DCHS1: variants seen among roughly 807,000 people sequenced by gnomAD.
DCHS1 encodes the protein protocadherin-16.
A neutral mutation model predicts 213.9 loss-of-function variants in DCHS1; 78 were observed. The observed-to-expected ratio is 0.36, with a 90% CI of 0.30 to 0.44. The LOEUF (loss-of-function observed/expected upper bound fraction) is 0.44, where lower values mean the gene tolerates loss of function less well. DCHS1 is among the 20% of genes least tolerant of loss of function. The pLI, the probability that DCHS1 is intolerant of heterozygous loss-of-function variation, is 1.00. For missense variants in DCHS1, 3,946 were observed against 4,395.9 expected (o/e 0.90, Z 2.89); for synonymous variants, 1,828 against 1,873.7 (o/e 0.98, Z 0.63).
At chr11:6,645,673 G>C (rs1000973522) in intron 1 of DCHS1, among the ~76,000 whole-genome samples, 17 of 152,170 alleles carry the variant, frequency 1.1e-4, no homozygotes, top group African/African-American at 4.8e-5. Flanking sequence ...CTCATGTCCA[G>C]GCAGATGCCC....
In DCHS1 at chr11:6,622,979, C is replaced by T; in HGVS notation, c.8697G>A (p.Arg2899=). The T allele has an allele frequency of 6.4e-7, 1 of 1,572,482 alleles. No individual in the cohort carries two copies. The highest frequency in any genetic ancestry group is 8.6e-7 in the Non-Finnish European group (1 of 1,159,490). Reference sequence around the variant, plus strand: ...GAGGCCCCCGTGCTATCACCTCCAGCCTCAGCTCCCGTGGTGCTTCCCGCC... The same window carrying T: ...GAGGCCCCCGTGCTATCACCTCCAGTCTCAGCTCCCGTGGTGCTTCCCGCC... ...RTRREAPREL[R]LEVIARGPLP... The change falls in exon 21 of 21, where the codon AGG becomes AGA. Residue 2899 remains arginine (R), a synonymous_variant. Coordinates refer to ENST00000299441, the MANE Select transcript of DCHS1 (RefSeq NM_003737.4). The surrounding 1 kb of genome is among the most constrained non-coding windows in gnomAD (Gnocchi z 5.4).
chr11:6,647,481 G>A (rs1043642786), intron 1 of DCHS1, among the ~76,000 whole-genome samples: 1 of 152,168 alleles, frequency 6.6e-6, no homozygotes, highest in Non-Finnish European at 1.5e-5. Flanking sequence ...CCTGAGGACT[G>A]GTTCCCAGGA....
In DCHS1 at chr11:6,623,153, A is replaced by G. The variant is rs779100406; in HGVS notation, c.8523T>C (p.Asp2841=). Reference sequence around the variant, plus strand: ...ACAGAACCAGGCCATCGGCACCCCCATCCTCATCTGTGGCCTGCACGTGAC... The same window carrying G: ...ACAGAACCAGGCCATCGGCACCCCCGTCCTCATCTGTGGCCTGCACGTGAC... The part of the protein sequence containing the change: ...SLGHVQATDE[D]GGADGLVLYS... Residue 2841 remains aspartate, a synonymous_variant, in exon 21 of 21, where the codon GAT becomes GAC. Transcript: ENST00000299441. 8 of 1,609,022 alleles carry G rather than the reference A, an allele frequency of 5.0e-6. No homozygotes were observed. The highest frequency in any genetic ancestry group is 1.7e-5 in the Admixed American group (1 of 59,508).
chr11:6,622,888 C>G lies in DCHS1; in HGVS notation c.8788G>C (p.Ala2930Pro), dbSNP rs974827004. 6.3e-7 allele frequency: 1 copy of G among 1,597,090 alleles called. No homozygotes were observed. The highest frequency in any genetic ancestry group is 1.3e-5 in the African/African-American group (1 of 74,574). Residue 2930 changes from alanine (A) to proline (P), a missense_variant, in exon 21 of 21, where the codon GCA becomes CCA. Physicochemically the swap from Ala to Pro is conservative, Grantham distance 27. Coordinates refer to ENST00000299441, the MANE Select transcript of DCHS1 (RefSeq NM_003737.4). This position sits in a 1 kb window ranked among gnomAD's most constrained non-coding sequence, Gnocchi z 5.4. ...ACTAATAGCAGGTTGAGGTCAGGTG[C>G]CAGGCCCAGTGCGGTGTGGGTGATA... ...VDITHTALGL[A>P]PDLNLLLVGA...
intron 2 of DCHS1, chr11:6,635,242 T>C (rs938782150): frequency 2.6e-5 from 4 of 152,266 alleles, no homozygotes; most frequent in African/African-American, 9.6e-5. Context: ...GTGTGGCTCA[T>C]GCATCGTTAG....
At chr11:6,639,599 T>C (rs1048121787) in intron 2 of DCHS1, among the ~76,000 whole-genome samples, 1 of 152,218 alleles carries the variant, frequency 6.6e-6, no homozygotes, top group Non-Finnish European at 1.5e-5. Context: ...TTTCCTCACC[T>C]GCCAAGACCA....
Position 6,634,292 on chromosome 11 carries a change from G to T in DCHS1, c.1812C>A (p.Asp604Glu), listed in dbSNP as rs137978102. Residue 604 changes from aspartate (D) to glutamate (E), a missense_variant, in exon 3 of 21, where the codon GAC (aspartate) becomes GAA (glutamate). By Grantham distance (45) the Asp-to-Glu change is conservative. This residue lies in a region of DCHS1 where 3,384 missense variants were observed against 3,780.1 expected (regional missense o/e 0.90). Coordinates refer to ENST00000299441, the MANE Select transcript of DCHS1 (RefSeq NM_003737.4). ...GGAGGCCAAATGGGCCACTATCCGC[G>T]TCTGTGGCTGTCACCTAGGGAGAGG... Reference protein sequence around the residue: ...GTCFLQVTATDADSGPFGLLS... With the variant: ...GTCFLQVTATEADSGPFGLLS... The T allele has an allele frequency of 6.2e-7, 1 of 1,600,888 alleles. No individual in the cohort carries two copies. Among genetic ancestry groups the T allele is most frequent in the African/African-American group, 1.3e-5 (1 of 74,812 alleles).
rs755960120 is a variant in DCHS1 at position 6,628,855 on chromosome 11, G to T, written c.5162-25C>A. On this transcript the variant is annotated intron_variant, in intron 12 of 20. Coordinates refer to ENST00000299441, the MANE Select transcript of DCHS1 (RefSeq NM_003737.4). The surrounding 1 kb of genome is among the most constrained non-coding windows in gnomAD (Gnocchi z 4.3). ...ACTGTGGGGAAGCAAAATCAATGAG[G>T]TCTAGTCTGCCCTCACCACATGGAG... 3 of 1,599,660 alleles carry T rather than the reference G, an allele frequency of 1.9e-6. No homozygotes were observed. In the South Asian group the frequency reaches 3.4e-5, roughly 18 times the overall value.
chr11:6,631,027 G>T (rs1024114940), intron 9 of DCHS1, 26 bp downstream of exon 9: 14 of 1,584,774 alleles, frequency 8.8e-6, no homozygotes, highest in Non-Finnish European at 1.1e-5. Flanking sequence ...TACAGCGGTA[G>T]CCAAGGGGAG....
chr11:6,624,458 T>G, intron 20 of DCHS1, 68 bp from the exon 21 acceptor site: 3 of 1,456,802 alleles, frequency 2.1e-6, no homozygotes, highest in Non-Finnish European at 2.7e-6. Flanking sequence ...AGAGTGACCC[T>G]TCAGGATCTA....
In DCHS1 at chr11:6,641,150, T is replaced by A. The variant is rs766843737; in HGVS notation, c.464A>T (p.His155Leu). The change falls in exon 2 of 21, where the codon CAT becomes CTT. Residue 155 changes from histidine (H) to leucine (L), a missense_variant. Coordinates refer to ENST00000299441, the MANE Select transcript of DCHS1 (RefSeq NM_003737.4). This position sits in a 1 kb window ranked among gnomAD's most constrained non-coding sequence, Gnocchi z 7.1. The part of the protein sequence containing the change: ...QARAALQVPE[H>L]TAFGTRYPLE... ...TGGGTAGCGGGTGCCAAAAGCTGTATGCTCAGGTACCTGCAGGGCAGCCCG... is the reference window on the plus strand; with the variant it reads ...TGGGTAGCGGGTGCCAAAAGCTGTAAGCTCAGGTACCTGCAGGGCAGCCCG... 18 of 1,613,588 alleles carry A rather than the reference T, an allele frequency of 1.1e-5. No homozygotes were observed. Among genetic ancestry groups the A allele is most frequent in the Non-Finnish European group, 1.5e-5 (18 of 1,179,868 alleles).
chr11:6,636,199 A>AAAAT lies in DCHS1; in HGVS notation c.1798-1894_1798-1893insATTT, dbSNP rs531538697. 2.4e-3 allele frequency among the ~76,000 whole-genome samples: 359 copies of AAAAT among 152,288 alleles called. 2 individuals are homozygous for AAAAT. The highest frequency in any genetic ancestry group is 7.8e-3 in the African/African-American group (326 of 41,556). On this transcript the variant is annotated intron_variant, in intron 2 of 20. Coordinates refer to ENST00000299441, the MANE Select transcript of DCHS1 (RefSeq NM_003737.4). ...TGTACCTCCTGCTTTGACTTTTCAA[A>AAAAT]ACATAAATTATTTATTTATTTAATT...
intron 1 of DCHS1, among the ~76,000 whole-genome samples, chr11:6,643,257 C>A (rs995373221): frequency 9.9e-5 from 15 of 152,056 alleles, no homozygotes; most frequent in African/African-American, 1.7e-4. Context: ...GATGTAGTCA[C>A]CAGAGGAAAG....
chr11:6,634,199 G>A lies in DCHS1; in HGVS notation c.1905C>T (p.Ser635=), dbSNP rs201154636. The A allele has an allele frequency of 3.7e-4, 601 of 1,613,938 alleles. No homozygotes were observed. Among genetic ancestry groups the A allele is most frequent in the Non-Finnish European group, 5.0e-4 (585 of 1,179,850 alleles). Residue 635 remains serine, a synonymous_variant, in exon 3 of 21, where the codon AGC becomes AGT. Transcript: ENST00000299441. ...GSPPFRIDAH[S]GDVCTTRTLD... Reference sequence around the variant, plus strand: ...GGGTCCGGGTTGTGCACACATCACCGCTGTGGGCATCAATGCGGAATGGGG... The same window carrying A: ...GGGTCCGGGTTGTGCACACATCACCACTGTGGGCATCAATGCGGAATGGGG...
Position 6,628,671 on chromosome 11 carries a change from G to GCATGGATCAGA in DCHS1, c.5320_5321insTCTGATCCATG (p.Ala1774ValfsTer2). On this transcript the variant is annotated stop_gained and frameshift_variant, in exon 13 of 21. Coordinates refer to ENST00000299441, the MANE Select transcript of DCHS1 (RefSeq NM_003737.4). LOFTEE classifies it high-confidence loss of function. This position sits in a 1 kb window ranked among gnomAD's most constrained non-coding sequence, Gnocchi z 4.3. Reference sequence around the variant, plus strand: ...ATTGGCTCCCACATCTGGATCAGAGGCCCGAAGCATGGTAAGGGTCTGGGG... The same window carrying GCATGGATCAGA: ...ATTGGCTCCCACATCTGGATCAGAGGCATGGATCAGACCCGAAGCATGGTAAGGGTCTGGGG... 6.2e-7 allele frequency: 1 copy of GCATGGATCAGA among 1,614,032 alleles called. No individual in the cohort carries two copies. The highest frequency in any genetic ancestry group is 1.1e-5 in the South Asian group (1 of 91,084).
At chr11:6,646,227 A>C (rs935432918) in intron 1 of DCHS1, among the ~76,000 whole-genome samples, 6 of 151,742 alleles carry the variant, frequency 4.0e-5, no homozygotes, top group Non-Finnish European at 2.9e-5. Context: ...TTGAAGACCC[A>C]CCCACACGCA....
rs759657034 is a variant in DCHS1 at position 6,623,632 on chromosome 11, G to A, written c.8044C>T (p.Pro2682Ser). 6.2e-7 allele frequency: 1 copy of A among 1,613,664 alleles called. No homozygotes were observed. The highest frequency in any genetic ancestry group is 1.3e-5 in the African/African-American group (1 of 74,930). Residue 2682 changes from proline to serine, a missense_variant, in exon 21 of 21, where the codon CCT (proline) becomes TCT (serine). Pro to Ser is a moderately conservative substitution (Grantham distance 74). This residue lies in a region of DCHS1 where 3,384 missense variants were observed against 3,780.1 expected (regional missense o/e 0.90). Coordinates refer to ENST00000299441, the MANE Select transcript of DCHS1 (RefSeq NM_003737.4). The part of the protein sequence containing the change: ...RHQLVVQAAD[P>S]AGAHFALAPV... The stretch of plus-strand genomic sequence containing the variant: ...GCCAAAGCAAAGTGTGCACCAGCAG[G>A]GTCAGCAGCCTGTACTACAAGCTGA...
rs201910859 is a variant in DCHS1 at position 6,626,164 on chromosome 11, C to T, written c.6576+5G>A. 10 of 1,602,538 alleles carry T rather than the reference C, an allele frequency of 6.2e-6. No homozygotes were observed. In the East Asian group the frequency reaches 6.8e-5, roughly 11 times the overall value. On this transcript the variant is annotated splice_donor_5th_base_variant and intron_variant, in intron 16 of 20. Coordinates refer to ENST00000299441, the MANE Select transcript of DCHS1 (RefSeq NM_003737.4). This position sits in a 1 kb window ranked among gnomAD's most constrained non-coding sequence, Gnocchi z 5.2. ...CCCGCCCAATCTTTCCATCACACCC[C>T]GCACCTGCAGCAGGGGCCCCTCCAA...
intron 2 of DCHS1, among the ~76,000 whole-genome samples, chr11:6,638,711 T>G (rs1398386976): frequency 6.6e-6 from 1 of 152,198 alleles, no homozygotes; most frequent in African/African-American, 2.4e-5. Flanking sequence ...ATTGTCTCTT[T>G]TCTTTGTTCT....
Sources: gnomAD v4.1 joint callset for allele counts (sites outside exome capture counted in the v4.1 genomes callset) on GRCh38, gnomAD v4.1.1 for gene constraint, gnomAD v4.1.1 regional missense constraint, Gnocchi (gnomAD v3.1) non-coding constraint, MANE v1.5 for transcripts, NCBI Gene and HGNC (gene_info 2026-07-23, HGNC 2026-07-21) for gene names.